ARB2A: variants seen among roughly 807,000 people sequenced by gnomAD.
ARB2A encodes the protein cotranscriptional regulator ARB2A.
the ARB2A span, among the ~76,000 whole-genome samples, chr5:93,894,509 C>T: frequency 6.6e-6 from 1 of 152,038 alleles, no homozygotes; most frequent in Non-Finnish European, 1.5e-5. Context: ...CTGCTGAATG[C>T]AAAGTGAAGG....
the ARB2A span, among the ~76,000 whole-genome samples, chr5:93,972,942 C>G: frequency 6.0e-5 from 9 of 150,560 alleles, no homozygotes; most frequent in African/African-American, 2.2e-4. Flanking sequence ...AAACTCACTA[C>G]AGGAATTTCT....
the ARB2A span, among the ~76,000 whole-genome samples, chr5:93,964,691 C>T: frequency 3.3e-5 from 5 of 151,932 alleles, no homozygotes; most frequent in Non-Finnish European, 7.4e-5. Context: ...TGGTTTACTT[C>T]CTGCTGCTGT....
chr5:94,101,896 CAT>C, the ARB2A span, among the ~76,000 whole-genome samples: 1 of 151,534 alleles, frequency 6.6e-6, no homozygotes, highest in East Asian at 1.9e-4. Flanking sequence ...CCCTGTGACA[CAT>C]GTTATCTATG....
the ARB2A span, among the ~76,000 whole-genome samples, chr5:93,814,206 T>C: frequency 2.0e-5 from 3 of 152,210 alleles, no homozygotes; most frequent in Admixed American, 6.5e-5. Flanking sequence ...TGATAATTCA[T>C]TTATAAATAA....
At chr5:93,924,456 A>G in the ARB2A span, among the ~76,000 whole-genome samples, 1 of 152,194 alleles carries the variant, frequency 6.6e-6, no homozygotes, top group South Asian at 2.1e-4. Context: ...GGTCATTTGG[A>G]TTCCTACTTG....
chr5:93,925,712 AC>A, the ARB2A span, among the ~76,000 whole-genome samples: 302 of 152,294 alleles, frequency 2.0e-3, 3 homozygotes, highest in African/African-American at 6.9e-3. Flanking sequence ...GGGGAGGACT[AC>A]TTATCCCCCT....
the ARB2A span, among the ~76,000 whole-genome samples, chr5:93,867,242 C>G: frequency 6.6e-6 from 1 of 151,974 alleles, no homozygotes; most frequent in Non-Finnish European, 1.5e-5. Flanking sequence ...GGTTCAGATT[C>G]TAAAGGAAAA....
At chr5:93,736,248 T>C in the ARB2A span, 81 of 152,316 alleles carry the variant, frequency 5.3e-4, no homozygotes, top group African/African-American at 1.9e-3. Flanking sequence ...TGTATATGTG[T>C]AATCTTGATA....
the ARB2A span, among the ~76,000 whole-genome samples, chr5:93,925,601 A>G: frequency 3.3e-5 from 5 of 152,204 alleles, no homozygotes; most frequent in Non-Finnish European, 7.3e-5. Context: ...AAAGGTGTGC[A>G]ATGTAAAACT....
chr5:93,683,194 A>G, the ARB2A span: 2 of 1,301,488 alleles, frequency 1.5e-6, no homozygotes, highest in Non-Finnish European at 2.2e-6. Flanking sequence ...CATCATCATC[A>G]TCTTCATCAT....
chr5:93,754,221 C>T, the ARB2A span, among the ~76,000 whole-genome samples: 1 of 152,174 alleles, frequency 6.6e-6, no homozygotes, highest in Non-Finnish European at 1.5e-5. Context: ...TATATTTTCT[C>T]CTACATGGAG....
chr5:93,696,304 T>C, the ARB2A span, among the ~76,000 whole-genome samples: 9 of 152,232 alleles, frequency 5.9e-5, no homozygotes, highest in African/African-American at 2.2e-4. Flanking sequence ...CCTTTTTTGC[T>C]ATTACAAATG....
chr5:94,075,023 C>T, the ARB2A span, among the ~76,000 whole-genome samples: 1 of 152,126 alleles, frequency 6.6e-6, no homozygotes, highest in Admixed American at 6.6e-5. Context: ...GTCCACCAAA[C>T]ACAATACCTT....
the ARB2A span, among the ~76,000 whole-genome samples, chr5:93,810,800 G>T: frequency 6.6e-6 from 1 of 152,128 alleles, no homozygotes; most frequent in African/African-American, 2.4e-5. Context: ...TTATGAGCAT[G>T]GACTTTGGAG....
chr5:93,685,928 C>T, the ARB2A span, among the ~76,000 whole-genome samples: 1 of 152,128 alleles, frequency 6.6e-6, no homozygotes, highest in Non-Finnish European at 1.5e-5. Flanking sequence ...CAAATCTTAA[C>T]TTGAAAGAAA....
chr5:93,670,303 C>A, the ARB2A span, among the ~76,000 whole-genome samples: 2 of 152,234 alleles, frequency 1.3e-5, no homozygotes, highest in Non-Finnish European at 2.9e-5. Context: ...TGGTTTCCCA[C>A]TGTACTTACA....
the ARB2A span, among the ~76,000 whole-genome samples, chr5:93,938,091 T>C: frequency 6.6e-6 from 1 of 152,190 alleles, no homozygotes; most frequent in African/African-American, 2.4e-5. Flanking sequence ...CCGTGATATT[T>C]ATACAGATTT....
chr5:94,048,265 G>A, the ARB2A span, among the ~76,000 whole-genome samples: 8 of 152,052 alleles, frequency 5.3e-5, no homozygotes, highest in South Asian at 1.2e-3. Context: ...ATGTTGGTCA[G>A]GCTGGTCTTG....
the ARB2A span, among the ~76,000 whole-genome samples, chr5:93,621,298 C>T: frequency 2.0e-5 from 3 of 151,106 alleles, no homozygotes; most frequent in Admixed American, 1.3e-4. Context: ...TCAGCCAGGA[C>T]CCCCGCCCCC....
Sources: allele counts gnomAD v4.1 joint callset (sites outside exome capture counted in the v4.1 genomes callset), GRCh38; gene constraint gnomAD v4.1.1; transcripts MANE v1.5; gene names NCBI Gene and HGNC (gene_info 2026-07-23, HGNC 2026-07-21).